The following KLHL13 variants were observed in gnomAD, a reference collection of about 807,000 sequenced individuals.
The protein encoded by KLHL13 is kelch-like protein 13.
KLHL13 carries 10 observed loss-of-function variants against 37.1 expected under a neutral mutation model. The ratio of observed to expected loss-of-function variants is 0.27; its 90% CI spans 0.17 to 0.46. The LOEUF is 0.46. KLHL13 is among the 20% of genes least tolerant of loss of function. The pLI is 1.00. For synonymous variants in KLHL13, 163 were observed against 181.2 expected (o/e 0.90, Z 0.81); for missense variants, 360 against 509.3 (o/e 0.71, Z 2.82).
chrX:118,023,125 T>C (rs1265543563), intron 1 of KLHL13, among the ~76,000 whole-genome samples: 1 of 104,961 alleles, frequency 9.5e-6, no homozygotes, highest in Non-Finnish European at 1.9e-5. Context: ...CCAGCACTAT[T>C]TATCTTCTAG....
intron 1 of KLHL13, among the ~76,000 whole-genome samples, chrX:118,043,618 T>C (rs1319820021): frequency 1.8e-5 from 2 of 111,708 alleles, no homozygotes; most frequent in Non-Finnish European, 3.8e-5. Flanking sequence ...ATAATATCAA[T>C]AGAAGGAAGG....
At chrX:117,953,410 G>A (rs1225960165) in intron 1 of KLHL13, among the ~76,000 whole-genome samples, 1 of 110,413 alleles carries the variant, frequency 9.1e-6, no homozygotes, top group Non-Finnish European at 1.9e-5. Context: ...GTTGTGGGGT[G>A]GGGGAAGGGG....
At chrX:118,014,778 T>C (rs889853913) in intron 1 of KLHL13, among the ~76,000 whole-genome samples, 1 of 112,258 alleles carries the variant, frequency 8.9e-6, no homozygotes, top group Non-Finnish European at 1.9e-5. Context: ...CATTGAAATA[T>C]TGGGGGCTGA....
chrX:117,981,835 A>G (rs148720512), intron 1 of KLHL13, among the ~76,000 whole-genome samples: 4 of 111,605 alleles, frequency 3.6e-5, no homozygotes, highest in Non-Finnish European at 5.7e-5. Flanking sequence ...TGGATACTCT[A>G]AACAGGGAAA....
At chrX:117,978,534 A>T (rs2053619680), upstream of KLHL13, among the ~76,000 whole-genome samples, 1 of 111,186 alleles carries the variant, frequency 9.0e-6, no homozygotes, top group South Asian at 3.8e-4. Context: ...TATTTACATA[A>T]TACTTTTTAT....
At chrX:118,053,302 A>C (rs1025450617) in intron 1 of KLHL13, among the ~76,000 whole-genome samples, 11 of 112,127 alleles carry the variant, frequency 9.8e-5, no homozygotes, top group Non-Finnish European at 1.1e-4. Flanking sequence ...ACGGAATACT[A>C]TGCAGCCATA....
chrX:118,020,659 T>C (rs953482218), intron 1 of KLHL13, among the ~76,000 whole-genome samples: 1 of 110,782 alleles, frequency 9.0e-6, no homozygotes, highest in African/African-American at 3.3e-5. Context: ...CCCAAAGGAT[T>C]ATAGATCATG....
intron 1 of KLHL13, among the ~76,000 whole-genome samples, chrX:118,079,939 A>G (rs2054971356): frequency 9.0e-6 from 1 of 111,515 alleles, no homozygotes; most frequent in African/African-American, 3.3e-5. Context: ...AGACACATAG[A>G]CCAATGGAAC....
Position 118,006,537 on chromosome X carries a change from T to G in KLHL13, c.-55-60962A>C, listed in dbSNP as rs987565537. 3.6e-5 allele frequency among the ~76,000 whole-genome samples: 4 copies of G among 111,669 alleles called. No individual in the cohort carries two copies. The South Asian group carries it at 1.5e-3, about 42-fold the overall frequency. ...ACAATCTTTTCCTCTCTAAAAAAAG[T>G]GTAGTATGTTATTTGTGGAGCCACA... is the stretch of plus-strand genomic sequence containing the variant. On this transcript the variant is annotated intron_variant, in intron 1 of 6. Transcript: ENST00000371882.
intron 1 of KLHL13, among the ~76,000 whole-genome samples, chrX:117,951,491 A>G (rs1045898276): frequency 2.7e-5 from 3 of 111,724 alleles, no homozygotes; most frequent in Non-Finnish European, 5.6e-5. Flanking sequence ...AGGAATCAAG[A>G]AAGATAAAGC....
chrX:117,952,379 C>T (rs1445908237), intron 1 of KLHL13, among the ~76,000 whole-genome samples: 1 of 109,878 alleles, frequency 9.1e-6, no homozygotes, highest in East Asian at 2.8e-4. Flanking sequence ...GGATCCCTTC[C>T]TTACACCTTA....
At chrX:117,921,270 TA>T (rs1227849261) in intron 2 of KLHL13, among the ~76,000 whole-genome samples, 1 of 112,543 alleles carries the variant, frequency 8.9e-6, no homozygotes, top group Admixed American at 9.4e-5. Context: ...TTTTATCTTT[TA>T]TTTTTAATTT....
At chrX:117,924,601 T>A (rs1348121277) in intron 2 of KLHL13, among the ~76,000 whole-genome samples, 1 of 111,865 alleles carries the variant, frequency 8.9e-6, no homozygotes, top group Non-Finnish European at 1.9e-5. Context: ...TTTAGGCAAA[T>A]TGTTCAGTTT....
intron 5 of KLHL13, 72 bp from the exon 7 acceptor site, chrX:117,902,018 T>C: frequency 1.8e-6 from 1 of 545,923 alleles, no homozygotes; most frequent in East Asian, 3.6e-5. Context: ...TTCTCTTAAG[T>C]GGAACAGTAA....
chrX:117,932,790 C>A (rs1460208278), intron 2 of KLHL13, among the ~76,000 whole-genome samples: 1 of 111,787 alleles, frequency 8.9e-6, no homozygotes, highest in East Asian at 2.8e-4. Context: ...AACTTCCATA[C>A]TATTTTTTAT....
At chrX:118,070,744 ATT>A (rs1164966114) in intron 1 of KLHL13, among the ~76,000 whole-genome samples, 4 of 95,814 alleles carry the variant, frequency 4.2e-5, no homozygotes, top group African/African-American at 2.0e-4. Flanking sequence ...ATTTTTAAAT[ATT>A]TTTATTTATT....
intron 1 of KLHL13, among the ~76,000 whole-genome samples, chrX:117,998,836 A>ATTT (rs2053886776): frequency 9.0e-6 from 1 of 111,314 alleles, no homozygotes; most frequent in African/African-American, 3.3e-5. Flanking sequence ...GCAAGCACAC[A>ATTT]GGGAACCATG....
rs757132578 is a variant in KLHL13 at position 118,065,969 on chromosome X, T to G, written c.-56+50539A>C. Among the ~76,000 whole-genome samples, 5 of 111,968 alleles carry G rather than the reference T, an allele frequency of 4.5e-5. No homozygotes were observed. The Admixed American group carries it at 4.8e-4, about 11-fold the overall frequency. ...AGCTGATAGTATATTATCTAAAAATTTGTAAAGTCATAACAAAAATTAAAC... is the reference window on the plus strand; with the variant it reads ...AGCTGATAGTATATTATCTAAAAATGTGTAAAGTCATAACAAAAATTAAAC... On this transcript the variant is annotated intron_variant, in intron 1 of 6. Transcript: ENST00000371882.
At chrX:118,026,811 C>G (rs1602662960) in intron 1 of KLHL13, among the ~76,000 whole-genome samples, 2 of 112,078 alleles carry the variant, frequency 1.8e-5, no homozygotes, top group South Asian at 3.7e-4. Flanking sequence ...TCAAGTTGAG[C>G]AAACTTTCCA....
Sources: gnomAD v4.1 joint callset for allele counts (sites outside exome capture counted in the v4.1 genomes callset) on GRCh38, gnomAD v4.1.1 for gene constraint, MANE v1.5 for transcripts, NCBI Gene and HGNC (gene_info 2026-07-23, HGNC 2026-07-21) for gene names.